CDH4: variants seen among roughly 807,000 people sequenced by gnomAD.
CDH4 encodes cadherin 4, also known as cadherin-4.
In CDH4, 33 loss-of-function variants were observed where a neutral mutation model predicts 86.0. The observed-to-expected ratio is 0.38, with a 90% CI of 0.29 to 0.51. The LOEUF (loss-of-function observed/expected upper bound fraction) is 0.51, where lower values mean the gene tolerates loss of function less well. Ranked by LOEUF, CDH4 falls within the 20% of genes least tolerant of loss-of-function variation. The pLI is 0.86. For missense variants in CDH4, 1,114 were observed against 1,307.4 expected, an observed-to-expected ratio of 0.85 and a Z score of 2.28; for synonymous variants, 555 against 549.4, an observed-to-expected ratio of 1.01 and a Z score of -0.14.
chr20:61,346,166 G>T (rs973497938), intron 2 of CDH4, among the ~76,000 whole-genome samples: 2 of 152,178 alleles, frequency 1.3e-5, no homozygotes, highest in Non-Finnish European at 2.9e-5. Context: ...GGGTGAGGTG[G>T]TCATTCCATT....
chr20:61,724,364 G>C (rs566015973), intron 2 of CDH4, among the ~76,000 whole-genome samples: 14 of 152,164 alleles, frequency 9.2e-5, no homozygotes, highest in Admixed American at 9.2e-4. Flanking sequence ...TCAGAACCCC[G>C]TGTCCCGCCA....
Position 61,768,183 on chromosome 20 carries a change from T to C in CDH4, c.397-4820T>C, listed in dbSNP as rs555830368. 3.9e-5 allele frequency among the ~76,000 whole-genome samples: 6 copies of C among 152,302 alleles called. No individual in the cohort carries two copies. The East Asian group carries it at 9.7e-4, about 25-fold the overall frequency. ...TGTTGGTTTTGAGAAAGTTGTGATG[T>C]GCTCTATACACACACACACAGACAC... On this transcript the variant is annotated intron_variant, in intron 3 of 15. Coordinates refer to ENST00000614565, the MANE Select transcript of CDH4 (RefSeq NM_001794.5).
At chr20:61,294,096 C>T (rs1245490133) in intron 2 of CDH4, among the ~76,000 whole-genome samples, 1 of 152,138 alleles carries the variant, frequency 6.6e-6, no homozygotes, top group Non-Finnish European at 1.5e-5. Flanking sequence ...TGGCTCTGAC[C>T]TTCACAGAGA....
chr20:61,560,095 G>A (rs897110646), intron 2 of CDH4, among the ~76,000 whole-genome samples: 1 of 152,168 alleles, frequency 6.6e-6, no homozygotes, highest in Non-Finnish European at 1.5e-5. Context: ...CTTCGGAGTC[G>A]CTTGTTTGCT....
At chr20:61,746,122 C>G (rs933860177) in intron 3 of CDH4, among the ~76,000 whole-genome samples, 2 of 152,098 alleles carry the variant, frequency 1.3e-5, no homozygotes, top group African/African-American at 4.8e-5. Flanking sequence ...CAGCAGTGGC[C>G]CCCAAATCGT....
At chr20:61,595,625 C>T (rs1026522445) in intron 2 of CDH4, among the ~76,000 whole-genome samples, 1 of 152,160 alleles carries the variant, frequency 6.6e-6, no homozygotes, top group African/African-American at 2.4e-5. Flanking sequence ...TTTGTTGATT[C>T]TTCTGTAGTC....
intron 2 of CDH4, among the ~76,000 whole-genome samples, chr20:61,713,723 C>G (rs1351087173): frequency 1.3e-5 from 2 of 152,232 alleles, no homozygotes; most frequent in Non-Finnish European, 2.9e-5. Context: ...ATGTGAGCAG[C>G]GAGGGAGGGG....
chr20:61,384,528 T>C (rs767867123), intron 2 of CDH4, among the ~76,000 whole-genome samples: 2 of 152,164 alleles, frequency 1.3e-5, no homozygotes, highest in African/African-American at 2.4e-5. Flanking sequence ...AACCAGTCTT[T>C]TCTGAACATC....
At chr20:61,313,152 G>A (rs112358195) in intron 2 of CDH4, among the ~76,000 whole-genome samples, 1 of 152,304 alleles carries the variant, frequency 6.6e-6, no homozygotes, top group African/African-American at 2.4e-5. Context: ...AGGCCTGGTC[G>A]TGTTTGAAAT....
At chr20:61,283,963 A>T (rs1217969891) in intron 2 of CDH4, among the ~76,000 whole-genome samples, 3 of 152,124 alleles carry the variant, frequency 2.0e-5, no homozygotes, top group Non-Finnish European at 2.9e-5. Context: ...AGGTGGCCCC[A>T]ATCAATCCCA....
At chr20:61,455,116 A>G (rs1292505990) in intron 2 of CDH4, among the ~76,000 whole-genome samples, 2 of 152,186 alleles carry the variant, frequency 1.3e-5, no homozygotes, top group Non-Finnish European at 2.9e-5. Context: ...TCACGTGTAG[A>G]TTTGTGTAAC....
chr20:61,432,168 G>A (rs536562804), intron 2 of CDH4, among the ~76,000 whole-genome samples: 17 of 152,292 alleles, frequency 1.1e-4, no homozygotes, highest in African/African-American at 3.6e-4. Flanking sequence ...GAGTAGCTAG[G>A]CTATATAGTA....
At chr20:61,253,217 G>A (rs939376270) in intron 1 of CDH4, among the ~76,000 whole-genome samples, 5 of 151,208 alleles carry the variant, frequency 3.3e-5, no homozygotes, top group African/African-American at 9.7e-5. Context: ...GGCCCCGGGG[G>A]CTGGGAGCTG....
chr20:61,500,623 GA>G (rs1462278400), intron 2 of CDH4, among the ~76,000 whole-genome samples: 1 of 152,246 alleles, frequency 6.6e-6, no homozygotes, highest in African/African-American at 2.4e-5. Flanking sequence ...ACACAGAGAG[GA>G]AAAGACCTCT....
At chr20:61,731,262 G>C (rs939741489) in intron 2 of CDH4, among the ~76,000 whole-genome samples, 2 of 152,054 alleles carry the variant, frequency 1.3e-5, no homozygotes, top group Admixed American at 6.5e-5. Flanking sequence ...TTTTGGCCTC[G>C]TGACATTCTC....
intron 2 of CDH4, among the ~76,000 whole-genome samples, chr20:61,410,145 A>T (rs1411079719): frequency 6.6e-6 from 1 of 152,232 alleles, no homozygotes; most frequent in Non-Finnish European, 1.5e-5. Context: ...AAGCCTGGTG[A>T]CATCTGAATG....
chr20:61,435,420 G>A (rs189408334), intron 2 of CDH4, among the ~76,000 whole-genome samples: 1 of 152,378 alleles, frequency 6.6e-6, no homozygotes, highest in East Asian at 1.9e-4. Context: ...AGATCCCTAG[G>A]GGGGCTCTGC....
intron 6 of CDH4, among the ~76,000 whole-genome samples, chr20:61,857,669 C>T (rs1435291773): frequency 6.6e-6 from 1 of 152,222 alleles, no homozygotes; most frequent in Non-Finnish European, 1.5e-5. Context: ...GAAGAAATGA[C>T]TTCTCAAAAA....
chr20:61,831,299 G>T (rs1016876008), intron 4 of CDH4, among the ~76,000 whole-genome samples: 2 of 152,232 alleles, frequency 1.3e-5, no homozygotes, highest in Non-Finnish European at 2.9e-5. Context: ...GTGGTGACCA[G>T]CAAAGACCTG....
Sources: allele counts gnomAD v4.1 joint callset (sites outside exome capture counted in the v4.1 genomes callset), GRCh38; gene constraint gnomAD v4.1.1; transcripts MANE v1.5; gene names NCBI Gene and HGNC (gene_info 2026-07-23, HGNC 2026-07-21).